PCDHGA2: variants seen among roughly 807,000 people sequenced by gnomAD.
PCDHGA2 encodes the protein protocadherin gamma-A2.
Under a neutral mutation model 59.2 loss-of-function variants are expected in PCDHGA2, and 40 were observed. The observed-to-expected ratio is 0.68, with a 90% CI of 0.52 to 0.88. The LOEUF (loss-of-function observed/expected upper bound fraction) is 0.88, where lower values mean the gene tolerates loss of function less well. Ranked by LOEUF, PCDHGA2 falls within the 40% of genes least tolerant of loss-of-function variation. PCDHGA2 has a pLI of 0.00. For synonymous variants in PCDHGA2, 560 were observed against 526.0 expected (o/e 1.06, Z -0.89); for missense variants, 1,226 against 1,204.0 (o/e 1.02, Z -0.27).
chr5:141,511,304 CTTGGGAAA>C lies in PCDHGA2; in HGVS notation c.*132_*139del. ...TGGTAGGGGCCAAGGCCATGCTCCC[CTTGGGAAA>C]CAGAAACAAGTGCCCAGTCAGCACC... is the stretch of plus-strand genomic sequence containing the variant. On this transcript the variant is annotated 3_prime_UTR_variant, in exon 4 of 4. Transcript: ENST00000394576. The C allele has an allele frequency of 2.0e-6, 3 of 1,490,438 alleles. No individual in the cohort carries two copies. The South Asian group carries it at 4.0e-5, about 20-fold the overall frequency. 92.3% of individuals were successfully genotyped at this position (1,490,438 alleles called of 1,614,324 possible). A position where few individuals can be genotyped will look rare whatever the true frequency, so the allele number is the denominator to read the frequency against.
chr5:141,496,338 G>A (rs1011495959), intron 2 of PCDHGA2, among the ~76,000 whole-genome samples: 5 of 152,230 alleles, frequency 3.3e-5, no homozygotes, highest in African/African-American at 9.6e-5. Flanking sequence ...TCAGGAGCCT[G>A]GAGGAGTCTC....
rs149319740 is a variant in PCDHGA2, at chr5:141,378,591, G to A, written c.2424+37196G>A. The stretch of plus-strand genomic sequence containing the variant: ...TTTTAAAACATGCTCGGTAGTGTCT[G>A]CTTACAGGACATATCTCTAAAAATA... On this transcript the variant is annotated intron_variant, in intron 1 of 3. Transcript: ENST00000394576. 4.1e-4 allele frequency: 63 copies of A among 152,298 alleles called. 1 individual carries two copies. Among genetic ancestry groups the A allele is most frequent in the African/African-American group, 1.4e-3 (60 of 41,574 alleles). The allele number at this position is 152,298 out of a possible 1,614,324, so 9.4% of individuals were successfully genotyped here.
At position 141,485,833 on chromosome 5, in the gene PCDHGA2, G is replaced by A. The variant is rs780944737; in HGVS notation, c.2425-8974G>A. 64 of 1,613,904 alleles carry A rather than the reference G, an allele frequency of 4.0e-5. No homozygotes were observed. Among genetic ancestry groups the A allele is most frequent in the Non-Finnish European group, 2.5e-6 (3 of 1,180,004 alleles). On this transcript the variant is annotated intron_variant, in intron 1 of 3. Coordinates refer to ENST00000394576, the MANE Select transcript of PCDHGA2 (RefSeq NM_018915.4). This position sits in a 1 kb window ranked among gnomAD's most constrained non-coding sequence, Gnocchi z 5.7. Reference sequence around the variant, plus strand: ...TGACTGCTGTCGATGGAGGGAACCCGCCGAGATCTGGCACCGCAGAGCTCC... The same window carrying A: ...TGACTGCTGTCGATGGAGGGAACCCACCGAGATCTGGCACCGCAGAGCTCC...
At chr5:141,382,462 TA>T (rs1346990551) in intron 1 of PCDHGA2, among the ~76,000 whole-genome samples, 1 of 152,240 alleles carries the variant, frequency 6.6e-6, no homozygotes, top group East Asian at 1.9e-4. Flanking sequence ...AGCAGTTTTT[TA>T]AAAATTATCT....
intron 1 of PCDHGA2, chr5:141,345,601 A>T: frequency 6.2e-7 from 1 of 1,614,096 alleles, no homozygotes; most frequent in South Asian, 1.1e-5. Flanking sequence ...TTCGACTACG[A>T]GCAATTTAGA....
chr5:141,365,083 T>G (rs1763725289), intron 1 of PCDHGA2: 1 of 1,613,804 alleles, frequency 6.2e-7, no homozygotes, highest in Non-Finnish European at 8.5e-7. Context: ...GCGTGAGTGT[T>G]CCAGAGAACA....
chr5:141,361,133 TC>T, intron 1 of PCDHGA2: 1 of 1,613,962 alleles, frequency 6.2e-7, no homozygotes, highest in South Asian at 1.1e-5. Context: ...CACTGCAGTA[TC>T]CAAGTTGAAA....
Position 141,410,849 on chromosome 5 carries a change from C to CTTTTTTTTT in PCDHGA2, c.2424+69468_2424+69476dup, listed in dbSNP as rs759346998. 1.7e-3 allele frequency: 239 copies of CTTTTTTTTT among 138,144 alleles called. 16 individuals are homozygous for CTTTTTTTTT. Among genetic ancestry groups the CTTTTTTTTT allele is most frequent in the African/African-American group, 4.5e-3 (75 of 16,616 alleles). 8.6% of individuals were successfully genotyped at this position (138,144 alleles called of 1,614,324 possible). On this transcript the variant is annotated intron_variant, in intron 1 of 3. Coordinates refer to ENST00000394576, the MANE Select transcript of PCDHGA2 (RefSeq NM_018915.4). ...CAGACTGAAGATATTTTGTCTTTGT[C>CTTTTTTTTT]TTTTTTTTTTTTTTTTTTTTTTGAG...
At chr5:141,455,920 C>A (rs941360102) in intron 1 of PCDHGA2, among the ~76,000 whole-genome samples, 1 of 147,944 alleles carries the variant, frequency 6.8e-6, no homozygotes, top group Non-Finnish European at 1.5e-5. Flanking sequence ...TATTTTGAGA[C>A]GGAGTCTCGC....
chr5:141,369,295 G>A (rs556803561), intron 1 of PCDHGA2, among the ~76,000 whole-genome samples: 2 of 152,200 alleles, frequency 1.3e-5, no homozygotes, highest in Admixed American at 6.5e-5. Context: ...TCCTAATAAC[G>A]CATCATTGTT....
intron 1 of PCDHGA2, chr5:141,441,470 C>G (rs1170727138): frequency 5.9e-6 from 1 of 168,868 alleles, no homozygotes; most frequent in East Asian, 1.9e-4. Context: ...ATTGGCGATG[C>G]CAACGACAAT....
At chr5:141,500,929 C>T (rs1347340945) in intron 2 of PCDHGA2, among the ~76,000 whole-genome samples, 2 of 151,210 alleles carry the variant, frequency 1.3e-5, no homozygotes, top group South Asian at 2.1e-4. Flanking sequence ...GGTGCAGTGG[C>T]GCCATCTCGG....
intron 1 of PCDHGA2, chr5:141,370,244 A>G: frequency 1.6e-6 from 1 of 633,826 alleles, no homozygotes; most frequent in Non-Finnish European, 2.6e-6. Context: ...AGAAAAGTGC[A>G]CTCTCTATCA....
At chr5:141,426,442 G>A (rs1205822455) in intron 1 of PCDHGA2, 9 of 306,752 alleles carry the variant, frequency 2.9e-5, no homozygotes, top group African/African-American at 4.3e-5. Context: ...CCTTGCGGAG[G>A]ACATGCGGCT....
chr5:141,366,544 G>A (rs368873957), intron 1 of PCDHGA2: 4 of 1,614,230 alleles, frequency 2.5e-6, no homozygotes, highest in Admixed American at 1.7e-5. Flanking sequence ...TGCCCGCCTC[G>A]CACTTTGTGG....
chr5:141,390,851 G>T (rs2092239783), intron 1 of PCDHGA2: 1 of 157,664 alleles, frequency 6.3e-6, no homozygotes. Context: ...ATTATATGCA[G>T]TGTACGCTGT....
chr5:141,365,671 C>G, intron 1 of PCDHGA2: 1 of 1,613,394 alleles, frequency 6.2e-7, no homozygotes, highest in Admixed American at 1.7e-5. Flanking sequence ...ACGTTAATGA[C>G]AACCCACCCA....
intron 1 of PCDHGA2, among the ~76,000 whole-genome samples, chr5:141,437,431 A>G (rs1282194918): frequency 6.6e-6 from 1 of 152,234 alleles, no homozygotes; most frequent in African/African-American, 2.4e-5. Flanking sequence ...TGAAGCAGCA[A>G]TAGCATAGGA....
At chr5:141,417,602 C>G in intron 1 of PCDHGA2, 1 of 510,170 alleles carries the variant, frequency 2.0e-6, no homozygotes, top group Middle Eastern at 5.2e-4. Context: ...TGGGCGCCGC[C>G]GTCGGCCAGT....
Sources: allele counts gnomAD v4.1 joint callset (sites outside exome capture counted in the v4.1 genomes callset), GRCh38; gene constraint gnomAD v4.1.1; non-coding constraint Gnocchi (gnomAD v3.1); transcripts MANE v1.5; gene names NCBI Gene and HGNC (gene_info 2026-07-23, HGNC 2026-07-21).